CASS4: variants seen among roughly 807,000 people sequenced by gnomAD.
The protein encoded by CASS4 is Cas scaffold protein family member 4, also known as cas scaffolding protein family member 4.
A neutral mutation model predicts 54.2 loss-of-function variants in CASS4; 22 were observed. That is an observed-to-expected ratio of 0.41 (90% CI 0.29 to 0.58). The LOEUF (loss-of-function observed/expected upper bound fraction) is 0.58, where lower values mean the gene tolerates loss of function less well. Among genes scored for constraint, CASS4 ranks in the 20% least tolerant of loss-of-function variants. The pLI is 0.36. For synonymous variants in CASS4, 409 were observed against 391.5 expected, an observed-to-expected ratio of 1.04 and a Z score of -0.53; for missense variants, 854 against 986.7, an observed-to-expected ratio of 0.87 and a Z score of 1.80.
At chr20:56,454,910 T>C (rs1178584895) in intron 5 of CASS4, among the ~76,000 whole-genome samples, 1 of 152,140 alleles carries the variant, frequency 6.6e-6, no homozygotes, top group African/African-American at 2.4e-5. Flanking sequence ...GATCACTGAG[T>C]CTAATGAACG....
intron 1 of CASS4, among the ~76,000 whole-genome samples, chr20:56,428,239 G>C (rs1979735320): frequency 6.6e-6 from 1 of 152,178 alleles, no homozygotes; most frequent in Non-Finnish European, 1.5e-5. Context: ...ATAAAACAAG[G>C]AGGAAGCAGG....
intron 1 of CASS4, among the ~76,000 whole-genome samples, chr20:56,420,476 A>G (rs1979358296): frequency 6.6e-6 from 1 of 151,446 alleles, no homozygotes; most frequent in Admixed American, 6.6e-5. Flanking sequence ...ACAACCTCAA[A>G]CTCCTGGGCT....
chr20:56,418,523 A>G (rs1448584287), intron 1 of CASS4, among the ~76,000 whole-genome samples: 1 of 152,212 alleles, frequency 6.6e-6, no homozygotes, highest in African/African-American at 2.4e-5. Context: ...CTGCTGTGCA[A>G]CAGATGGGCT....
At chr20:56,413,170 TAA>T (rs879258639) in intron 1 of CASS4, among the ~76,000 whole-genome samples, 11 of 124,088 alleles carry the variant, frequency 8.9e-5, no homozygotes, top group Non-Finnish European at 3.4e-5. Context: ...GACCCCATCT[TAA>T]AAAAAAAAAA....
intron 1 of CASS4, among the ~76,000 whole-genome samples, chr20:56,415,713 C>T (rs1192182152): frequency 6.6e-6 from 1 of 152,208 alleles, no homozygotes; most frequent in Admixed American, 6.5e-5. Context: ...AGGGCCACCG[C>T]AGATAGCCTT....
chr20:56,437,098 G>C lies in CASS4; in HGVS notation c.37-66G>C, dbSNP rs8117984. 0.15 allele frequency: 198,307 copies of C among 1,332,192 alleles called. 15,533 individuals carry two copies. Among genetic ancestry groups the C allele is most frequent in the African/African-American group, 0.2 (13,435 of 67,716 alleles). 82.5% of individuals were successfully genotyped at this position (1,332,192 alleles called of 1,614,324 possible). ...TGTATGAAGCTTTCTAAGAGAGTGG[G>C]ATTGGAGTAGCAGTCACTGGCCACG... On this transcript the variant is annotated intron_variant, in intron 1 of 5. Coordinates refer to ENST00000679887, the MANE Select transcript of CASS4 (RefSeq NM_020356.4). This position sits in a 1 kb window ranked among gnomAD's most constrained non-coding sequence, Gnocchi z 4.7.
chr20:56,428,306 A>G (rs578243781), intron 1 of CASS4, among the ~76,000 whole-genome samples: 1 of 152,356 alleles, frequency 6.6e-6, no homozygotes, highest in East Asian at 1.9e-4. Flanking sequence ...GGAGCTGGAC[A>G]GAGTAGAGAC....
At chr20:56,438,875 C>CA (rs1980323935) in intron 2 of CASS4, among the ~76,000 whole-genome samples, 1 of 152,250 alleles carries the variant, frequency 6.6e-6, no homozygotes, top group African/African-American at 2.4e-5. Flanking sequence ...AACAAACAAA[C>CA]AAAAAACTCT....
rs890672655 is a variant in CASS4 at position 56,430,558 on chromosome 20, G to T, written c.37-6606G>T. Among the ~76,000 whole-genome samples, 1 of 152,160 alleles carries T rather than the reference G, an allele frequency of 6.6e-6. No individual in the cohort carries two copies. The highest frequency in any genetic ancestry group is 6.5e-5 in the Admixed American group (1 of 15,278). On this transcript the variant is annotated intron_variant, in intron 1 of 5. Transcript: ENST00000679887. The surrounding 1 kb of genome is among the most constrained non-coding windows in gnomAD (Gnocchi z 4.2). ...TCAGCAACCATTGCAATGGTTACTG[G>T]ATGCCTTTGGAGTGGCCTGTCAACT...
At chr20:56,432,355 C>CTTTTTTTT (rs922336949) in intron 1 of CASS4, among the ~76,000 whole-genome samples, 1 of 101,066 alleles carries the variant, frequency 9.9e-6, no homozygotes, top group African/African-American at 4.1e-5. Context: ...TTCATAAGTC[C>CTTTTTTTT]TTTTTTTTTT....
Position 56,437,264 on chromosome 20 carries a change from C to T in CASS4, c.137C>T (p.Pro46Leu). Residue 46 changes from proline to leucine, a missense_variant, in exon 2 of 6, where the codon CCA becomes CTA. Physicochemically the swap from Pro to Leu is moderately conservative, Grantham distance 98. Coordinates refer to ENST00000679887, the MANE Select transcript of CASS4 (RefSeq NM_020356.4). This position sits in a 1 kb window ranked among gnomAD's most constrained non-coding sequence, Gnocchi z 4.7. ...DILTILEQHV[P>L]ESEGWWKCLL... ...CTGACCATTCTGGAGCAACACGTGC[C>T]AGAAAGCGAGGGTTGGTGGAAGTGT... The T allele has an allele frequency of 6.2e-7, 1 of 1,613,976 alleles. No homozygotes were observed. Among genetic ancestry groups the T allele is most frequent in the South Asian group, 1.1e-5 (1 of 91,024 alleles).
intron 2 of CASS4, among the ~76,000 whole-genome samples, chr20:56,444,225 C>T (rs1980600481): frequency 6.6e-6 from 1 of 152,136 alleles, no homozygotes; most frequent in Non-Finnish European, 1.5e-5. Context: ...CCCGGGGACA[C>T]CATGATGAAT....
intron 2 of CASS4, among the ~76,000 whole-genome samples, chr20:56,438,159 C>T (rs889087409): frequency 2.0e-5 from 3 of 151,854 alleles, no homozygotes; most frequent in Non-Finnish European, 2.9e-5. Flanking sequence ...TAGTAGCACA[C>T]ATGTGTAGTC....
rs759598500 is a variant in CASS4, at chr20:56,458,328, TC to T, written c.1954-9del. 8 of 1,596,858 alleles carry T rather than the reference TC, an allele frequency of 5.0e-6. No individual in the cohort carries two copies. Among genetic ancestry groups the T allele is most frequent in the Middle Eastern group, 1.7e-4 (1 of 6,010 alleles). On this transcript the variant is annotated splice_polypyrimidine_tract_variant and intron_variant, in intron 5 of 5. Transcript: ENST00000679887. ...TGAATCTCCTATCTATTTTCTTCCT[TC>T]CCTTCTTTAGAATCCTGGCCCTCTT... is the stretch of plus-strand genomic sequence containing the variant.
chr20:56,422,202 A>G (rs1372059200), intron 1 of CASS4, among the ~76,000 whole-genome samples: 1 of 152,216 alleles, frequency 6.6e-6, no homozygotes, highest in African/African-American at 2.4e-5. Flanking sequence ...TGGCGGTGGC[A>G]GGCAGTGGCA....
At chr20:56,454,754 ACT>A (rs1981206648) in intron 5 of CASS4, among the ~76,000 whole-genome samples, 1 of 152,072 alleles carries the variant, frequency 6.6e-6, no homozygotes, top group South Asian at 2.1e-4. Context: ...TATAGCACTC[ACT>A]CTCTAAAGCT....
chr20:56,426,314 T>A (rs542191049), intron 1 of CASS4, among the ~76,000 whole-genome samples: 1 of 152,172 alleles, frequency 6.6e-6, no homozygotes, highest in Non-Finnish European at 1.5e-5. Context: ...GGTTTTTGAA[T>A]ATCAAATGCG....
chr20:56,445,574 G>A (rs1019472962), intron 2 of CASS4, among the ~76,000 whole-genome samples: 22 of 152,212 alleles, frequency 1.4e-4, no homozygotes, highest in Non-Finnish European at 3.1e-4. Flanking sequence ...AACACTGCAG[G>A]TTCCCGGCCC....
chr20:56,442,150 G>A lies in CASS4; in HGVS notation c.460-3750G>A, dbSNP rs148979504. 8.2e-3 allele frequency among the ~76,000 whole-genome samples: 1,243 copies of A among 151,860 alleles called. 55 individuals carry two copies. The highest frequency in any genetic ancestry group is 0.029 in the African/African-American group (1,198 of 41,148). ...TTCACGGACTCCTTTCTATATCTGTGTTGACAGTCTGCAGACTAAGAGTGG... is the reference window on the plus strand; with the variant it reads ...TTCACGGACTCCTTTCTATATCTGTATTGACAGTCTGCAGACTAAGAGTGG... On this transcript the variant is annotated intron_variant, in intron 2 of 5. Coordinates refer to ENST00000679887, the MANE Select transcript of CASS4 (RefSeq NM_020356.4).
Sources: gnomAD v4.1 joint callset for allele counts (sites outside exome capture counted in the v4.1 genomes callset) on GRCh38, gnomAD v4.1.1 for gene constraint, Gnocchi (gnomAD v3.1) non-coding constraint, MANE v1.5 for transcripts, NCBI Gene and HGNC (gene_info 2026-07-23, HGNC 2026-07-21) for gene names.